Variants in ZNF138 observed in about 807,000 individuals in gnomAD.
ZNF138 encodes zinc finger protein 138, also known as zinc finger protein 138 (clone pHZ-32).
In ZNF138, 33 loss-of-function variants were observed where a neutral mutation model predicts 33.0. That is an observed-to-expected ratio of 1.00 (90% CI 0.76 to 1.34). ZNF138 has a LOEUF of 1.34. Ranked by LOEUF, ZNF138 falls within the 40% of genes most tolerant of loss-of-function variation. ZNF138 has a pLI of 0.00. For missense variants in ZNF138, 360 were observed against 370.8 expected (o/e 0.97, Z 0.24); for synonymous variants, 139 against 120.4 (o/e 1.15, Z -1.01).
At chr7:64,854,769 T>G in the ZNF138 span, among the ~76,000 whole-genome samples, 8 of 152,342 alleles carry the variant, frequency 5.3e-5, no homozygotes, top group South Asian at 1.4e-3. Context: ...GTTTTTATTT[T>G]TGAAATCTAA....
the ZNF138 span, among the ~76,000 whole-genome samples, chr7:64,849,850 G>C: frequency 6.6e-6 from 1 of 152,180 alleles, no homozygotes; most frequent in Middle Eastern, 3.4e-3. Flanking sequence ...AGGGAACAGA[G>C]CTAAGAACTT....
chr7:64,806,585 C>CAAACAA (rs1787618052), intron 1 of ZNF138, among the ~76,000 whole-genome samples: 3 of 151,756 alleles, frequency 2.0e-5, no homozygotes, highest in Non-Finnish European at 1.5e-5. Flanking sequence ...GGAAAACAAA[C>CAAACAA]AAACATTTAT....
chr7:64,814,221 T>G (rs1487777579), intron 1 of ZNF138: 2 of 836,640 alleles, frequency 2.4e-6, no homozygotes, highest in Non-Finnish European at 3.0e-6. Context: ...ATTAACCAGA[T>G]CTCGAGTTTA....
At chr7:64,830,517 T>C (rs1430962492) in intron 3 of ZNF138, among the ~76,000 whole-genome samples, 1 of 152,180 alleles carries the variant, frequency 6.6e-6, no homozygotes, top group Non-Finnish European at 1.5e-5. Context: ...GGCAGAATCT[T>C]GCTCTGCATT....
intron 1 of ZNF138, among the ~76,000 whole-genome samples, chr7:64,796,158 C>CT (rs1786672930): frequency 6.6e-6 from 1 of 152,194 alleles, no homozygotes; most frequent in Admixed American, 6.5e-5. Flanking sequence ...ACTGGATTCT[C>CT]TAAGATTTGT....
chr7:64,810,262 C>T (rs1788039912), intron 1 of ZNF138, among the ~76,000 whole-genome samples: 1 of 150,672 alleles, frequency 6.6e-6, no homozygotes, highest in Non-Finnish European at 1.5e-5. Flanking sequence ...TGGAGACTGG[C>T]CTGGCCGACA....
the ZNF138 span, chr7:64,852,813 T>C: frequency 3.5e-6 from 3 of 845,534 alleles, no homozygotes; most frequent in East Asian, 2.4e-5. Context: ...ATAAATTCAC[T>C]GGGCTGACAG....
At chr7:64,843,869 G>A in the ZNF138 span, among the ~76,000 whole-genome samples, 3 of 151,608 alleles carry the variant, frequency 2.0e-5, no homozygotes, top group East Asian at 1.9e-4. Flanking sequence ...GCTGTCACCA[G>A]GCTGGAGTGC....
rs183700797 is a variant in ZNF138 at position 64,832,468 on chromosome 7, A to G, written c.*266A>G. 2.9e-4 allele frequency: 389 copies of G among 1,324,138 alleles called. 3 individuals are homozygous for G. In the African/African-American group the frequency reaches 5.2e-3, roughly 18 times the overall value. The allele number at this position is 1,324,138 out of a possible 1,614,324, so 82.0% of individuals were successfully genotyped here. A position where few individuals can be genotyped will look rare whatever the true frequency, so the allele number is the denominator to read the frequency against. On this transcript the variant is annotated 3_prime_UTR_variant, in exon 4 of 4. Coordinates refer to ENST00000307355, the MANE Select transcript of ZNF138 (RefSeq NM_001271639.2). ...CACCGATACTCAATCCTTAGTACAC[A>G]TAAGAAAATTCATACTGGGGAGAAA...
chr7:64,835,704 C>G (rs1157277814), downstream of ZNF138: 1 of 152,246 alleles, frequency 6.6e-6, no homozygotes, highest in Non-Finnish European at 1.5e-5. Flanking sequence ...GTGCTGCGAC[C>G]TGTGCTACCG....
chr7:64,850,467 AT>A, the ZNF138 span, among the ~76,000 whole-genome samples: 7 of 151,996 alleles, frequency 4.6e-5, no homozygotes, highest in East Asian at 1.9e-4. Flanking sequence ...CCTGTTCGCT[AT>A]TTTTTCCCCC....
rs1363851595 is a variant in ZNF138 at position 64,831,886 on chromosome 7, A to G, written c.644A>G (p.Lys215Arg). 1 of 1,613,906 alleles carries G rather than the reference A, an allele frequency of 6.2e-7. No homozygotes were observed. The highest frequency in any genetic ancestry group is 1.3e-5 in the African/African-American group (1 of 75,048). The change falls in exon 4 of 4, where the codon AAA becomes AGA. Residue 215 changes from lysine to arginine, a missense_variant. Transcript: ENST00000307355. The stretch of plus-strand genomic sequence containing the variant: ...TCCACAAACCTTTCTAAACCTAAGA[A>G]AATTCATACTGGAGAAAAACCCTAC... ...NWSTNLSKPK[K>R]IHTGEKPYKC...
Position 64,832,023 on chromosome 7 carries a change from A to T in ZNF138, c.781A>T (p.Lys261Ter). The T allele has an allele frequency of 6.2e-7, 1 of 1,613,904 alleles. No individual in the cohort carries two copies. The change falls in exon 4 of 4, where the codon AAA (lysine) becomes TAA (stop). Residue 261 changes from lysine to a stop codon, truncating the protein, a stop_gained. Coordinates refer to ENST00000307355, the MANE Select transcript of ZNF138 (RefSeq NM_001271639.2). LOFTEE classifies it high-confidence loss of function. Reference sequence around the variant, plus strand: ...ATGTGCACACTGTGGCAAAGCCTTTAAACAGTCCTCACACCTTACTAGACA... The same window carrying T: ...ATGTGCACACTGTGGCAAAGCCTTTTAACAGTCCTCACACCTTACTAGACA... ...YKCAHCGKAFKQSSHLTRHKI... is the reference protein window; with the variant it reads ...YKCAHCGKAF
At chr7:64,842,012 G>A in the ZNF138 span, among the ~76,000 whole-genome samples, 2 of 152,208 alleles carry the variant, frequency 1.3e-5, no homozygotes, top group African/African-American at 4.8e-5. Flanking sequence ...ATTATTAAGA[G>A]TTAGTGGTGA....
At chr7:64,852,871 T>C in the ZNF138 span, 2 of 890,884 alleles carry the variant, frequency 2.2e-6, no homozygotes, top group Admixed American at 3.4e-5. Flanking sequence ...TTAGTACTGT[T>C]TGGCCGCCCA....
In ZNF138 at chr7:64,831,911, C is replaced by T; in HGVS notation, c.669C>T (p.Tyr223=). ...AAATTCATACTGGAGAAAAACCCTA[C>T]AAATGTGAAGTATGTGGAAAAGCCT... ...PKKIHTGEKP[Y]KCEVCGKAFH... The change falls in exon 4 of 4, where the codon TAC becomes TAT. Residue 223 remains tyrosine (Y), a synonymous_variant. Transcript: ENST00000307355. The T allele has an allele frequency of 6.2e-7, 1 of 1,613,770 alleles. No individual in the cohort carries two copies.
At chr7:64,828,128 T>C (rs1378871453) in intron 3 of ZNF138, among the ~76,000 whole-genome samples, 3 of 152,074 alleles carry the variant, frequency 2.0e-5, no homozygotes, top group Admixed American at 6.6e-5. Flanking sequence ...TTATGTTTGT[T>C]TGAGAGAAAA....
Position 64,832,884 on chromosome 7 carries a change from A to G in ZNF138, c.*682A>G, listed in dbSNP as rs531339774. Reference sequence around the variant, plus strand: ...TTTTAACCAGTTCTCACAACTTGCTATACATAAGATGATTCACACTTGAAT... The same window carrying G: ...TTTTAACCAGTTCTCACAACTTGCTGTACATAAGATGATTCACACTTGAAT... On this transcript the variant is annotated 3_prime_UTR_variant, in exon 4 of 4. Transcript: ENST00000307355. The G allele has an allele frequency of 5.1e-5, 20 of 394,364 alleles. No homozygotes were observed. Among genetic ancestry groups the G allele is most frequent in the South Asian group, 3.7e-4 (18 of 48,236 alleles). 24.4% of individuals were successfully genotyped at this position (394,364 alleles called of 1,614,324 possible).
chr7:64,823,041 C>T (rs371835975), intron 3 of ZNF138, among the ~76,000 whole-genome samples: 4 of 151,912 alleles, frequency 2.6e-5, no homozygotes, highest in South Asian at 2.1e-4. Context: ...CCACCACGCC[C>T]GTCTAATTTT....
Sources: allele counts gnomAD v4.1 joint callset (sites outside exome capture counted in the v4.1 genomes callset), GRCh38; gene constraint gnomAD v4.1.1; transcripts MANE v1.5; gene names NCBI Gene and HGNC (gene_info 2026-07-23, HGNC 2026-07-21).